Variants in CTDP1 observed in about 807,000 individuals in gnomAD.
CTDP1 encodes RNA polymerase II subunit A C-terminal domain phosphatase.
A neutral mutation model predicts 91.8 loss-of-function variants in CTDP1; 47 were observed. The ratio of observed to expected loss-of-function variants is 0.51; its 90% CI spans 0.41 to 0.65. The LOEUF (loss-of-function observed/expected upper bound fraction) is 0.65, where lower values mean the gene tolerates loss of function less well. Ranked by LOEUF, CTDP1 falls within the 30% of genes least tolerant of loss-of-function variation. The pLI, the probability that CTDP1 is intolerant of heterozygous loss-of-function variation, is 0.00. For missense variants in CTDP1, 1,272 were observed against 1,373.7 expected, an observed-to-expected ratio of 0.93 and a Z score of 1.17; for synonymous variants, 656 against 598.5, an observed-to-expected ratio of 1.10 and a Z score of -1.40.
chr18:79,737,205 G>C (rs984784547), intron 12 of CTDP1, among the ~76,000 whole-genome samples: 1 of 152,220 alleles, frequency 6.6e-6, no homozygotes, highest in African/African-American at 2.4e-5. Context: ...CTTGTGACTG[G>C]TCAGTGTTTT....
intron 5 of CTDP1, among the ~76,000 whole-genome samples, chr18:79,707,413 G>A (rs2085988718): frequency 6.6e-6 from 1 of 152,254 alleles, no homozygotes; most frequent in Non-Finnish European, 1.5e-5. Context: ...AGACAGCAGA[G>A]CAGGGAGCCT....
At chr18:79,742,074 G>T (rs577221900) in intron 12 of CTDP1, among the ~76,000 whole-genome samples, 1 of 147,606 alleles carries the variant, frequency 6.8e-6, no homozygotes, top group Non-Finnish European at 1.5e-5. Flanking sequence ...ATGAGGCGTC[G>T]TGGGAGAGAG....
chr18:79,679,740 G>T (rs1004164345), upstream of CTDP1: 16 of 514,040 alleles, frequency 3.1e-5, no homozygotes, highest in Admixed American at 3.0e-5. Flanking sequence ...CGCGGCGCTC[G>T]TATTTACACG....
chr18:79,720,357 T>C (rs564539840), intron 10 of CTDP1, among the ~76,000 whole-genome samples: 1 of 142,254 alleles, frequency 7.0e-6, no homozygotes, highest in East Asian at 2.1e-4. Flanking sequence ...CTGGTGATGA[T>C]GTCACCTCCT....
chr18:79,726,230 CGGG>C (rs1483744711), intron 10 of CTDP1, among the ~76,000 whole-genome samples: 5 of 152,174 alleles, frequency 3.3e-5, no homozygotes. Flanking sequence ...GTTAGATTTT[CGGG>C]TTCACAGCCT....
intron 1 of CTDP1, among the ~76,000 whole-genome samples, chr18:79,692,206 CAGA>C (rs1427673590): frequency 6.6e-6 from 1 of 151,962 alleles, no homozygotes; most frequent in Non-Finnish European, 1.5e-5. Flanking sequence ...AAAACCTTTG[CAGA>C]ACACACTCTG....
At chr18:79,741,151 G>C (rs1487103351) in intron 12 of CTDP1, among the ~76,000 whole-genome samples, 1 of 146,666 alleles carries the variant, frequency 6.8e-6, no homozygotes, top group East Asian at 2.0e-4. Context: ...CCTTGCGGTT[G>C]ATCTGTCCCT....
chr18:79,693,733 A>T (rs536221825), intron 1 of CTDP1, among the ~76,000 whole-genome samples: 10 of 152,122 alleles, frequency 6.6e-5, no homozygotes, highest in Non-Finnish European at 1.2e-4. Flanking sequence ...TTCCTCCTCC[A>T]GGGTGATCCG....
At chr18:79,690,435 T>C (rs114193643) in intron 1 of CTDP1, among the ~76,000 whole-genome samples, 1,983 of 152,334 alleles carry the variant, frequency 0.013, 47 homozygotes, top group African/African-American at 0.045. Context: ...GTTTTTGGGC[T>C]GAGCTCTTTG....
intron 7 of CTDP1, 29 bp from the exon 8 acceptor site, chr18:79,714,462 G>T: frequency 6.2e-7 from 1 of 1,610,284 alleles, no homozygotes; most frequent in Admixed American, 1.7e-5. Context: ...CTAAATTGCG[G>T]TAACTTTTCC....
intron 1 of CTDP1, among the ~76,000 whole-genome samples, chr18:79,691,230 G>A (rs968241493): frequency 1.3e-5 from 2 of 152,216 alleles, no homozygotes; most frequent in South Asian, 2.1e-4. Context: ...CAGGCAGTGC[G>A]CACCCGACTC....
At chr18:79,734,538 T>A (rs1166421107) in intron 11 of CTDP1, among the ~76,000 whole-genome samples, 1 of 151,062 alleles carries the variant, frequency 6.6e-6, no homozygotes, top group Non-Finnish European at 1.5e-5. Context: ...CTGCCCTGCC[T>A]CACCAGCGTT....
chr18:79,732,758 A>AAAATCAT, intron 11 of CTDP1, among the ~76,000 whole-genome samples: 1 of 151,906 alleles, frequency 6.6e-6, no homozygotes, highest in Non-Finnish European at 1.5e-5. Context: ...CACTGTCACC[A>AAAATCAT]GGAGTGCTCC....
intron 12 of CTDP1, among the ~76,000 whole-genome samples, chr18:79,737,799 C>T (rs779945235): frequency 7.2e-5 from 11 of 152,150 alleles, no homozygotes; most frequent in Non-Finnish European, 1.0e-4. Flanking sequence ...AATATCAACA[C>T]GCCAGGATTT....
intron 12 of CTDP1, among the ~76,000 whole-genome samples, chr18:79,741,996 A>G (rs2086786954): frequency 1.3e-5 from 2 of 152,332 alleles, no homozygotes; most frequent in South Asian, 2.1e-4. Context: ...GAACACAAAG[A>G]TCTTTACCTA....
At chr18:79,718,133 C>A (rs752392285) in intron 10 of CTDP1, 117 bp downstream of exon 10, 1 of 1,196,634 alleles carries the variant, frequency 8.4e-7, no homozygotes, top group African/African-American at 1.5e-5. Context: ...AGGCTGCAGA[C>A]GGTGACTCCT....
intron 10 of CTDP1, among the ~76,000 whole-genome samples, chr18:79,718,978 G>A (rs569187786): frequency 1.1e-4 from 16 of 152,310 alleles, no homozygotes; most frequent in Non-Finnish European, 2.1e-4. Flanking sequence ...CACTGTCCCT[G>A]CGTGGGGATG....
chr18:79,724,476 T>TAA (rs1699685149), intron 10 of CTDP1, among the ~76,000 whole-genome samples: 2 of 152,176 alleles, frequency 1.3e-5, no homozygotes, highest in Non-Finnish European at 1.5e-5. Flanking sequence ...CAGTGCTGTT[T>TAA]ATTGCAGCCA....
At chr18:79,702,262 A>C (rs2085875331) in intron 4 of CTDP1, among the ~76,000 whole-genome samples, 1 of 152,260 alleles carries the variant, frequency 6.6e-6, no homozygotes, top group African/African-American at 2.4e-5. Flanking sequence ...CCCTCTGATC[A>C]GTCAGCAGCC....
Sources: allele counts gnomAD v4.1 joint callset (sites outside exome capture counted in the v4.1 genomes callset), GRCh38; gene constraint gnomAD v4.1.1; transcripts MANE v1.5; gene names NCBI Gene and HGNC (gene_info 2026-07-23, HGNC 2026-07-21).